The following TXNRD2 variants were observed in gnomAD, a reference collection of about 807,000 sequenced individuals.
The protein encoded by TXNRD2 is thioredoxin reductase 2, mitochondrial.
A neutral mutation model predicts 70.8 loss-of-function variants in TXNRD2; 67 were observed. That is an observed-to-expected ratio of 0.95 (90% confidence interval 0.78 to 1.16). The LOEUF is 1.16. Ranked by LOEUF, TXNRD2 falls within the 50% of genes most tolerant of loss-of-function variation. The pLI is 0.00. For missense variants in TXNRD2, 644 were observed against 719.9 expected (o/e 0.89, Z 1.21); for synonymous variants, 301 against 295.8 (o/e 1.02, Z -0.18).
chr22:19,935,685 T>C (rs1348464295), intron 1 of TXNRD2, among the ~76,000 whole-genome samples: 3 of 152,222 alleles, frequency 2.0e-5, no homozygotes, highest in Non-Finnish European at 1.5e-5. Context: ...AATTCCTCTT[T>C]GTACTCTTTC....
chr22:19,930,967 A>G, intron 2 of TXNRD2, 63 bp downstream of exon 2: 1 of 1,497,618 alleles, frequency 6.7e-7, no homozygotes, highest in Non-Finnish European at 9.3e-7. Flanking sequence ...TCTGGACAGC[A>G]CCACCCTCTC....
chr22:19,904,015 A>G (rs532127025), intron 8 of TXNRD2, among the ~76,000 whole-genome samples: 3 of 152,298 alleles, frequency 2.0e-5, no homozygotes, highest in African/African-American at 7.2e-5. Flanking sequence ...ACAGCAGAAA[A>G]GGCAAACGGG....
At chr22:19,934,659 T>C (rs1481495201) in intron 1 of TXNRD2, among the ~76,000 whole-genome samples, 1 of 151,274 alleles carries the variant, frequency 6.6e-6, no homozygotes, top group Non-Finnish European at 1.5e-5. Context: ...GCCTCCTGGG[T>C]TCACACCATT....
At chr22:19,940,065 A>C (rs1308160919) in intron 1 of TXNRD2, among the ~76,000 whole-genome samples, 1 of 151,934 alleles carries the variant, frequency 6.6e-6, no homozygotes, top group Non-Finnish European at 1.5e-5. Context: ...AATACAGTGA[A>C]ATCCCGTCTC....
rs1345892838 is a variant in TXNRD2, at chr22:19,880,288, A to G, written c.1183-17T>C. 6.2e-7 allele frequency: 1 copy of G among 1,612,768 alleles called. No individual in the cohort carries two copies. The highest frequency in any genetic ancestry group is 8.5e-7 in the Non-Finnish European group (1 of 1,179,640). ...CGTGGGAACCTGAAAGCAGGTCTGG[A>G]GTCAGGGAGGGCCCTTGGGCCCCGA... On this transcript the variant is annotated splice_polypyrimidine_tract_variant and intron_variant, in intron 13 of 17. Transcript: ENST00000400521.
chr22:19,901,032 G>A (rs56028119), intron 8 of TXNRD2, among the ~76,000 whole-genome samples: 3,788 of 152,314 alleles, frequency 0.025, 62 homozygotes, highest in African/African-American at 0.039. Context: ...CTCCAGGAAT[G>A]GGCCCTGCAG....
Position 19,933,118 on chromosome 22 carries a change from C to T in TXNRD2, c.104-2020G>A, listed in dbSNP as rs76430998. Among the ~76,000 whole-genome samples the T allele has an allele frequency of 1.6e-3, 238 of 152,352 alleles. 2 individuals carry two copies. Among genetic ancestry groups the T allele is most frequent in the African/African-American group, 5.6e-3 (231 of 41,578 alleles). On this transcript the variant is annotated intron_variant, in intron 1 of 17. Coordinates refer to ENST00000400521, the MANE Select transcript of TXNRD2 (RefSeq NM_006440.5). The stretch of plus-strand genomic sequence containing the variant: ...GAGCCTGCCCCACAACCAAACCCAC[C>T]CACTCTTTCACCTGGCAGCCAGCCT...
At chr22:19,879,866 C>T (rs1387578424) in intron 14 of TXNRD2, among the ~76,000 whole-genome samples, 1 of 152,042 alleles carries the variant, frequency 6.6e-6, no homozygotes, top group African/African-American at 2.4e-5. Flanking sequence ...TGGGGTGGGG[C>T]TGGGGGCTTC....
chr22:19,877,177 A>C lies in TXNRD2; in HGVS notation c.1503T>G (p.Ser501=). ...AGATGCGCAGCTTGACTACCTCCTC[A>C]GAGCATGTGGGATGGATACCCACGG... ...MRTVGIHPTC[S]EEVVKLRISK... The change falls in exon 17 of 18, where the codon TCT becomes TCG. Residue 501 remains serine (S), a synonymous_variant. Transcript: ENST00000400521. The C allele has an allele frequency of 6.2e-7, 1 of 1,611,406 alleles. No individual in the cohort carries two copies. The highest frequency in any genetic ancestry group is 8.5e-7 in the Non-Finnish European group (1 of 1,178,514).
At chr22:19,921,942 G>T (rs1469076044) in intron 2 of TXNRD2, among the ~76,000 whole-genome samples, 4 of 152,174 alleles carry the variant, frequency 2.6e-5, no homozygotes, top group African/African-American at 4.8e-5. Flanking sequence ...ATTAGCCCTA[G>T]ACTGGGCACT....
chr22:19,928,326 T>C (rs1049440405), intron 2 of TXNRD2, among the ~76,000 whole-genome samples: 2 of 151,934 alleles, frequency 1.3e-5, no homozygotes, highest in Admixed American at 6.6e-5. Context: ...AATTCAAGTG[T>C]CCAGCTACAG....
At chr22:19,918,012 C>T in intron 5 of TXNRD2, 131 bp downstream of exon 5, 1 of 779,492 alleles carries the variant, frequency 1.3e-6, no homozygotes, top group South Asian at 1.4e-5. Flanking sequence ...CTCATCCCCA[C>T]CCATGAGCAG....
At chr22:19,876,287 G>A (rs1022708189) in intron 17 of TXNRD2, 2 of 152,344 alleles carry the variant, frequency 1.3e-5, no homozygotes, top group African/African-American at 2.4e-5. Context: ...CCCCAACCCT[G>A]GGAGGGGCTG....
intron 14 of TXNRD2, 134 bp downstream of exon 14, chr22:19,880,045 G>A (rs550080663): frequency 1.1e-5 from 10 of 937,430 alleles, no homozygotes; most frequent in Admixed American, 4.0e-5. Context: ...GTCCCTTCCC[G>A]CTACACACAG....
intron 11 of TXNRD2, among the ~76,000 whole-genome samples, chr22:19,892,000 C>T (rs912359550): frequency 6.6e-6 from 1 of 152,226 alleles, no homozygotes; most frequent in Non-Finnish European, 1.5e-5. Flanking sequence ...GGCCAGCACT[C>T]GGCCCCACAC....
intron 14 of TXNRD2, 81 bp from the exon 15 acceptor site, chr22:19,878,518 G>C: frequency 7.9e-7 from 1 of 1,259,100 alleles, no homozygotes; most frequent in Non-Finnish European, 1.2e-6. Context: ...GGCTGCATGG[G>C]CAAGGCAGGG....
In TXNRD2 at chr22:19,931,035, T is replaced by G; in HGVS notation, c.167A>C (p.Lys56Thr). ...GAAGTATACAGAATACATACCCTCC[T>G]TGGCACAAGCCAGGCCACCAGATCC... is the stretch of plus-strand genomic sequence containing the variant. ...GGGSGGLACA[K>T]EAAQLGRKVA... Residue 56 changes from lysine to threonine, a missense_variant, in exon 2 of 18, where the codon AAG becomes ACG. Lys to Thr is a moderately conservative substitution (Grantham distance 78). Around this residue, in one of 3 missense-constraint regions of TXNRD2, gnomAD observed 566 missense variants for 645.0 expected, o/e 0.88. Transcript: ENST00000400521. The G allele has an allele frequency of 6.2e-7, 1 of 1,613,674 alleles. No homozygotes were observed. The highest frequency in any genetic ancestry group is 1.1e-5 in the South Asian group (1 of 91,076).
chr22:19,880,223 A>T lies in TXNRD2; in HGVS notation c.1231T>A (p.Ser411Thr). Reference protein sequence around the residue: ...TPLEYGCVGLSEEEAVARHGQ... With the variant: ...TPLEYGCVGLTEEEAVARHGQ... ...TGGCGAGCCACTGCCTCCTCCTCGG[A>T]CAGCCCCACACAGCCATACTCCAGC... is the stretch of plus-strand genomic sequence containing the variant. The change falls in exon 14 of 18, where the codon TCC (serine) becomes ACC (threonine). Residue 411 changes from serine (S) to threonine (T), a missense_variant. Coordinates refer to ENST00000400521, the MANE Select transcript of TXNRD2 (RefSeq NM_006440.5). The T allele has an allele frequency of 7.4e-6, 12 of 1,613,716 alleles. No homozygotes were observed. Among genetic ancestry groups the T allele is most frequent in the Non-Finnish European group, 1.0e-5 (12 of 1,180,010 alleles).
intron 16 of TXNRD2, 62 bp from the exon 17 acceptor site, chr22:19,877,296 C>T: frequency 6.7e-7 from 1 of 1,492,226 alleles, no homozygotes; most frequent in Non-Finnish European, 9.3e-7. Flanking sequence ...CCACAGCATC[C>T]CACCCCCGGG....
Sources: allele counts gnomAD v4.1 joint callset (sites outside exome capture counted in the v4.1 genomes callset), GRCh38; gene constraint gnomAD v4.1.1; regional missense constraint gnomAD v4.1.1; transcripts MANE v1.5; gene names NCBI Gene and HGNC (gene_info 2026-07-23, HGNC 2026-07-21).